The following HMCN1 variants were observed in gnomAD, a reference collection of about 807,000 sequenced individuals.
HMCN1 encodes hemicentin 1.
A neutral mutation model predicts 625.9 loss-of-function variants in HMCN1; 321 were observed. That is an observed-to-expected ratio of 0.51 (90% CI 0.47 to 0.56). HMCN1 has a LOEUF of 0.56. HMCN1 is among the 20% of genes least tolerant of loss of function. HMCN1 has a pLI of 0.00. For synonymous variants in HMCN1, 2,425 were observed against 2,417.6 expected (o/e 1.00, Z -0.09); for missense variants, 6,588 against 6,887.3 (o/e 0.96, Z 1.54).
chr1:185,833,828 C>T (rs1414167455), intron 1 of HMCN1, among the ~76,000 whole-genome samples: 7 of 151,970 alleles, frequency 4.6e-5, no homozygotes, highest in African/African-American at 1.4e-4. Context: ...CCAATTTCTT[C>T]AGATATCACA....
At chr1:186,009,620 G>C (rs1653866026) in intron 30 of HMCN1, among the ~76,000 whole-genome samples, 1 of 152,130 alleles carries the variant, frequency 6.6e-6, no homozygotes, top group African/African-American at 2.4e-5. Context: ...AATGAAGCAG[G>C]TGGGTTGATA....
chr1:186,069,631 TAG>T lies in HMCN1; in HGVS notation c.7880-28_7880-27del, dbSNP rs769843719. 10 of 1,418,112 alleles carry T rather than the reference TAG, an allele frequency of 7.1e-6. No individual in the cohort carries two copies. In the African/African-American group the frequency reaches 1.1e-4, roughly 16 times the overall value. The allele number at this position is 1,418,112 out of a possible 1,614,324, so 87.8% of individuals were successfully genotyped here. On this transcript the variant is annotated intron_variant, in intron 50 of 106. Transcript: ENST00000271588. The stretch of plus-strand genomic sequence containing the variant: ...GTGTACTCCACTGTCACTGTGATTT[TAG>T]AGACTCTTTGATGTCCCATGATTTT...
intron 86 of HMCN1, among the ~76,000 whole-genome samples, 171 bp from the exon 87 acceptor site, chr1:186,136,496 AT>A (rs1308257331): frequency 1.3e-5 from 2 of 152,220 alleles, no homozygotes; most frequent in Non-Finnish European, 1.5e-5. Flanking sequence ...ATAAAAAAGA[AT>A]TATGAAAATT....
intron 40 of HMCN1, among the ~76,000 whole-genome samples, chr1:186,041,753 A>G (rs544003361): frequency 6.6e-6 from 1 of 152,174 alleles, no homozygotes; most frequent in African/African-American, 2.4e-5. Flanking sequence ...GTATACCTTT[A>G]CATTCAGAAC....
Position 185,833,291 on chromosome 1 carries a change from T to C in HMCN1, c.269-12735T>C, listed in dbSNP as rs72733236. Among the ~76,000 whole-genome samples the C allele has an allele frequency of 9.3e-3, 1,417 of 152,314 alleles. 11 individuals carry two copies. Among genetic ancestry groups the C allele is most frequent in the Non-Finnish European group, 0.015 (1,033 of 68,012 alleles). ...TGTTCCTTATCACTTCTATCAAACA[T>C]ATTCAGCTTTTTTATACTAAACTGT... On this transcript the variant is annotated intron_variant, in intron 1 of 106. Coordinates refer to ENST00000271588, the MANE Select transcript of HMCN1 (RefSeq NM_031935.3).
chr1:185,826,694 G>C (rs1011760492), intron 1 of HMCN1, among the ~76,000 whole-genome samples: 1 of 152,096 alleles, frequency 6.6e-6, no homozygotes, highest in Non-Finnish European at 1.5e-5. Context: ...AGAAAGGATA[G>C]TTTACATTAA....
rs1158636524 is a variant in HMCN1 at position 185,987,440 on chromosome 1, A to G, written c.2944A>G (p.Thr982Ala). The stretch of plus-strand genomic sequence containing the variant: ...CCTACTTACCTTTTCAGTTCTGCCA[A>G]CCATTCAGCATGGGCAGCAGATACT... ...TTSVVVHVLP[T>A]IQHGQQILST... is the part of the protein sequence containing the mutation. Residue 982 changes from threonine (T) to alanine (A), a missense_variant, in exon 20 of 107, where the codon ACC becomes GCC. This residue lies in a region of HMCN1 where 4,628 missense variants were observed against 4,853.1 expected (regional missense o/e 0.95). Coordinates refer to ENST00000271588, the MANE Select transcript of HMCN1 (RefSeq NM_031935.3). 3.7e-6 allele frequency: 6 copies of G among 1,609,708 alleles called. No individual in the cohort carries two copies. The highest frequency in any genetic ancestry group is 1.1e-5 in the South Asian group (1 of 90,992).
At chr1:186,041,180 T>A (rs768149472) in intron 40 of HMCN1, 44 bp downstream of exon 40, 1 of 1,566,948 alleles carries the variant, frequency 6.4e-7, no homozygotes, top group East Asian at 2.3e-5. Context: ...AGAGATATGT[T>A]TGGGTCCTAA....
chr1:186,166,164 C>G lies in HMCN1; in HGVS notation c.15320-20C>G. 2 of 1,613,648 alleles carry G rather than the reference C, an allele frequency of 1.2e-6. No individual in the cohort carries two copies. Among genetic ancestry groups the G allele is most frequent in the Non-Finnish European group, 1.7e-6 (2 of 1,179,924 alleles). On this transcript the variant is annotated intron_variant, in intron 98 of 106. Transcript: ENST00000271588. ...AAGGATTTTACATACTGATTTGGGC[C>G]TTTTTGTTTCTTCTTTAAGATGAGG...
chr1:185,900,992 A>G (rs1210857963), intron 4 of HMCN1, among the ~76,000 whole-genome samples: 1 of 151,960 alleles, frequency 6.6e-6, no homozygotes, highest in African/African-American at 2.4e-5. Context: ...TTCCCATCCA[A>G]CTTCTGTCTG....
At chr1:186,024,161 G>T (rs974226314) in intron 36 of HMCN1, among the ~76,000 whole-genome samples, 1 of 152,232 alleles carries the variant, frequency 6.6e-6, no homozygotes, top group East Asian at 1.9e-4. Context: ...AACCATGTGG[G>T]TCTTTATTCT....
intron 12 of HMCN1, among the ~76,000 whole-genome samples, chr1:185,963,110 A>G (rs1650145150): frequency 6.6e-6 from 1 of 152,170 alleles, no homozygotes; most frequent in Non-Finnish European, 1.5e-5. Context: ...TTGCCAAACT[A>G]CAGTGGGAAG....
In HMCN1 at chr1:186,052,950, A is replaced by T; in HGVS notation, c.6578-2A>T. ...AAAAATCATATTTTTATTTTTTTCT[A>T]GTCCCCCCAAATATTGGTGGTTCTG... On this transcript the variant is annotated splice_acceptor_variant, in intron 42 of 106. Coordinates refer to ENST00000271588, the MANE Select transcript of HMCN1 (RefSeq NM_031935.3). LOFTEE classifies it high-confidence loss of function. 1 of 1,599,934 alleles carries T rather than the reference A, an allele frequency of 6.3e-7. No individual in the cohort carries two copies. The highest frequency in any genetic ancestry group is 8.6e-7 in the Non-Finnish European group (1 of 1,167,936).
At chr1:186,006,050 C>T (rs1017614511) in intron 29 of HMCN1, among the ~76,000 whole-genome samples, 5 of 151,210 alleles carry the variant, frequency 3.3e-5, no homozygotes, top group Non-Finnish European at 2.9e-5. Context: ...GCAGGAGAAT[C>T]GCTTGAACCC....
intron 1 of HMCN1, among the ~76,000 whole-genome samples, chr1:185,765,087 G>A (rs1655784295): frequency 6.6e-6 from 1 of 152,140 alleles, no homozygotes; most frequent in South Asian, 2.1e-4. Flanking sequence ...ACTTGGTGTG[G>A]TACCAAATGA....
At chr1:185,985,595 G>C (rs1022353762) in intron 19 of HMCN1, among the ~76,000 whole-genome samples, 4 of 152,154 alleles carry the variant, frequency 2.6e-5, no homozygotes, top group Non-Finnish European at 5.9e-5. Flanking sequence ...AAAATTAAGA[G>C]ATCATTTCAC....
intron 104 of HMCN1, among the ~76,000 whole-genome samples, chr1:186,179,140 T>C (rs1011778080): frequency 6.6e-6 from 1 of 152,104 alleles, no homozygotes; most frequent in African/African-American, 2.4e-5. Flanking sequence ...CCACATCGGA[T>C]TGATGGAAAA....
chr1:185,999,324 G>C lies in HMCN1; in HGVS notation c.3875-721G>C, dbSNP rs374010489. Among the ~76,000 whole-genome samples, 3 of 152,046 alleles carry C rather than the reference G, an allele frequency of 2.0e-5. No individual in the cohort carries two copies. The South Asian group carries it at 6.2e-4, about 32-fold the overall frequency. On this transcript the variant is annotated intron_variant, in intron 25 of 106. Transcript: ENST00000271588. ...TGTTTGCTAAATAAATACATTGTTA[G>C]TATAGATTTAATGTTTACTTATTTC...
chr1:185,855,664 C>T (rs1662419931), intron 2 of HMCN1, among the ~76,000 whole-genome samples: 1 of 152,126 alleles, frequency 6.6e-6, no homozygotes, highest in East Asian at 1.9e-4. Flanking sequence ...CCCTGAAGAC[C>T]CACCTAAGCT....
Sources: gnomAD v4.1 joint callset for allele counts (sites outside exome capture counted in the v4.1 genomes callset) on GRCh38, gnomAD v4.1.1 for gene constraint, gnomAD v4.1.1 regional missense constraint, MANE v1.5 for transcripts, NCBI Gene and HGNC (gene_info 2026-07-23, HGNC 2026-07-21) for gene names.